The following GRIP1 variants were observed in gnomAD, a reference collection of about 807,000 sequenced individuals.
GRIP1 encodes the protein glutamate receptor interacting protein 1.
GRIP1 carries 45 observed loss-of-function variants against 129.9 expected under a neutral mutation model. The ratio of observed to expected loss-of-function variants is 0.35; its 90% CI spans 0.27 to 0.44. The LOEUF (loss-of-function observed/expected upper bound fraction) is 0.44. Among genes scored for constraint, GRIP1 ranks in the 20% least tolerant of loss-of-function variants. The probability of loss-of-function intolerance (pLI) is 1.00; values close to 1 mark genes in which losing one functional copy is unlikely to be tolerated. For missense variants in GRIP1, 1,196 were observed against 1,396.8 expected (o/e 0.86, Z 2.29); for synonymous variants, 530 against 520.8 (o/e 1.02, Z -0.24).
At chr12:66,379,166 G>T in intron 20 of GRIP1, 114 bp downstream of exon 20, 1 of 1,152,296 alleles carries the variant, frequency 8.7e-7, no homozygotes. Context: ...TGATTATGGT[G>T]GCTTTAAGAA....
chr12:66,641,765 C>G (rs1027944930), intron 1 of GRIP1, among the ~76,000 whole-genome samples: 7 of 152,210 alleles, frequency 4.6e-5, no homozygotes, highest in African/African-American at 1.4e-4. Context: ...GGTCACCTCT[C>G]TCTCTCTTAC....
chr12:66,716,569 C>T (rs1432461979), intron 1 of GRIP1, among the ~76,000 whole-genome samples: 1 of 151,178 alleles, frequency 6.6e-6, no homozygotes, highest in African/African-American at 2.4e-5. Flanking sequence ...TTTTAGGGTA[C>T]ATGTGCACAC....
intron 1 of GRIP1, among the ~76,000 whole-genome samples, chr12:66,629,269 G>C (rs935615796): frequency 3.3e-5 from 5 of 152,158 alleles, no homozygotes; most frequent in African/African-American, 1.2e-4. Flanking sequence ...AATGAGCCTG[G>C]CTGGAGCAGT....
intron 7 of GRIP1, among the ~76,000 whole-genome samples, chr12:66,478,807 C>G (rs1226741316): frequency 1.3e-5 from 2 of 152,100 alleles, no homozygotes; most frequent in Non-Finnish European, 2.9e-5. Context: ...CATGTTCTCA[C>G]TCATAGGTGG....
chr12:66,914,908 T>C (rs2041094321), intron 1 of GRIP1, among the ~76,000 whole-genome samples: 1 of 152,132 alleles, frequency 6.6e-6, no homozygotes, highest in Non-Finnish European at 1.5e-5. Flanking sequence ...GAGGATCACT[T>C]GAATCCAGGA....
intron 1 of GRIP1, among the ~76,000 whole-genome samples, chr12:66,787,940 C>T (rs1463643261): frequency 6.6e-6 from 1 of 152,086 alleles, no homozygotes; most frequent in African/African-American, 2.4e-5. Flanking sequence ...GTGGTCACAG[C>T]ACCTCAAGGT....
At chr12:67,033,584 T>A (rs1159618089) in intron 1 of GRIP1, among the ~76,000 whole-genome samples, 1 of 152,100 alleles carries the variant, frequency 6.6e-6, no homozygotes, top group African/African-American at 2.4e-5. Context: ...ACTCTCCAAA[T>A]GACGAAACTG....
At chr12:66,501,485 G>T (rs2060391582) in intron 7 of GRIP1, among the ~76,000 whole-genome samples, 1 of 152,092 alleles carries the variant, frequency 6.6e-6, no homozygotes, top group South Asian at 2.1e-4. Flanking sequence ...TGTAAAATTA[G>T]TATACAATCA....
chr12:66,930,963 G>A (rs1308139025), intron 1 of GRIP1, among the ~76,000 whole-genome samples: 2 of 152,148 alleles, frequency 1.3e-5, no homozygotes, highest in Non-Finnish European at 2.9e-5. Context: ...AGTTTAGATG[G>A]TTAGGTGGGA....
chr12:66,986,160 A>G, intron 1 of GRIP1, among the ~76,000 whole-genome samples: 1 of 152,184 alleles, frequency 6.6e-6, no homozygotes, highest in East Asian at 1.9e-4. Flanking sequence ...TTCTTATCTA[A>G]AAATCATTCA....
chr12:66,581,702 C>A (rs1028495058), intron 2 of GRIP1, among the ~76,000 whole-genome samples: 13 of 152,022 alleles, frequency 8.6e-5, no homozygotes, highest in Non-Finnish European at 1.5e-4. Context: ...AAGACTAAAC[C>A]AGGAAGAAGT....
chr12:66,632,644 T>C (rs2030934544), intron 1 of GRIP1, among the ~76,000 whole-genome samples: 1 of 152,214 alleles, frequency 6.6e-6, no homozygotes, highest in Non-Finnish European at 1.5e-5. Context: ...AATTCTTTGG[T>C]CTCATGTTGA....
chr12:67,054,449 C>T (rs567870455), intron 1 of GRIP1, among the ~76,000 whole-genome samples: 45 of 151,852 alleles, frequency 3.0e-4, no homozygotes, highest in African/African-American at 9.7e-4. Context: ...TTGTCATGTG[C>T]GAAAAAATAA....
chr12:66,481,629 C>G (rs1256563349), intron 7 of GRIP1, among the ~76,000 whole-genome samples: 1 of 152,182 alleles, frequency 6.6e-6, no homozygotes, highest in Non-Finnish European at 1.5e-5. Context: ...AATCATTCTA[C>G]TATAGAGACA....
intron 1 of GRIP1, among the ~76,000 whole-genome samples, chr12:66,738,624 T>C (rs1050243149): frequency 6.6e-6 from 1 of 152,102 alleles, no homozygotes; most frequent in Non-Finnish European, 1.5e-5. Flanking sequence ...AGATTGTTCC[T>C]GTGATGTGAA....
rs1047926162 is a variant in GRIP1 at position 66,711,465 on chromosome 12, G to C, written c.-419-81129C>G. 4.0e-5 allele frequency among the ~76,000 whole-genome samples: 6 copies of C among 151,654 alleles called. No individual in the cohort carries two copies. The East Asian group carries it at 1.2e-3, about 29-fold the overall frequency. On this transcript the variant is annotated intron_variant, in intron 1 of 4. Coordinates refer to the GRIP1 transcript ENST00000538373. ...TTTATCTCACCATAGATCACAAAAG[G>C]TTTTGACATCAAGAAAGTTAAATTT... is the stretch of plus-strand genomic sequence containing the variant.
chr12:66,914,270 T>C (rs1337471012), intron 1 of GRIP1, among the ~76,000 whole-genome samples: 1 of 152,200 alleles, frequency 6.6e-6, no homozygotes, highest in Admixed American at 6.5e-5. Flanking sequence ...GAAATTCTTC[T>C]AGGTTTGCTA....
At chr12:66,620,687 C>A (rs1260831816) in intron 1 of GRIP1, among the ~76,000 whole-genome samples, 4 of 151,184 alleles carry the variant, frequency 2.6e-5, no homozygotes, top group African/African-American at 9.7e-5. Flanking sequence ...TTTTCTTTTT[C>A]TTTATTTCTC....
chr12:66,420,613 G>T, intron 15 of GRIP1, 107 bp downstream of exon 15: 1 of 744,048 alleles, frequency 1.3e-6, no homozygotes, highest in South Asian at 1.4e-5. Flanking sequence ...GGAAGTTTTT[G>T]AAAATACAGT....
Sources: gnomAD v4.1 joint callset for allele counts (sites outside exome capture counted in the v4.1 genomes callset) on GRCh38, gnomAD v4.1.1 for gene constraint, MANE v1.5 for transcripts, NCBI Gene and HGNC (gene_info 2026-07-23, HGNC 2026-07-21) for gene names.